The following AGAP1 variants were observed in gnomAD, a reference collection of about 807,000 sequenced individuals.
AGAP1 encodes the protein arf-GAP with GTPase, ANK repeat and PH domain-containing protein 1.
Under a neutral mutation model 105.3 loss-of-function variants are expected in AGAP1, and 29 were observed. The ratio of observed to expected loss-of-function variants is 0.28; its 90% CI spans 0.21 to 0.38. The LOEUF is 0.38. AGAP1 is among the 10% of genes least tolerant of loss of function. AGAP1 has a pLI of 1.00. For synonymous variants in AGAP1, 509 were observed against 485.9 expected (o/e 1.05, Z -0.63); for missense variants, 998 against 1,165.1 (o/e 0.86, Z 2.09).
At chr2:235,761,705 A>C (rs1239986211) in intron 6 of AGAP1, among the ~76,000 whole-genome samples, 1 of 152,236 alleles carries the variant, frequency 6.6e-6, no homozygotes, top group Non-Finnish European at 1.5e-5. Flanking sequence ...ATCGATGATC[A>C]AAAGAATAAG....
At position 235,642,144 on chromosome 2, in the gene AGAP1, C is replaced by T. The variant is rs545832498; in HGVS notation, c.164-67035C>T. On this transcript the variant is annotated intron_variant, in intron 1 of 17. Coordinates refer to ENST00000304032, the MANE Select transcript of AGAP1 (RefSeq NM_001037131.3). The surrounding 1 kb of genome is among the most constrained non-coding windows in gnomAD (Gnocchi z 4.1). ...GGGCCCTCCAGAGGGTGCCCATCCA[C>T]GGAGTGCGGCGCCTGCTCGACTTGG... Among the ~76,000 whole-genome samples, 4 of 152,296 alleles carry T rather than the reference C, an allele frequency of 2.6e-5. No individual in the cohort carries two copies. Among genetic ancestry groups the T allele is most frequent in the Admixed American group, 1.3e-4 (2 of 15,300 alleles).
chr2:235,871,478 A>C (rs1051693888), intron 9 of AGAP1, among the ~76,000 whole-genome samples: 2 of 152,032 alleles, frequency 1.3e-5, no homozygotes, highest in Middle Eastern at 3.2e-3. Context: ...TGCCGGCCCC[A>C]TTTCCATCCT....
intron 13 of AGAP1, among the ~76,000 whole-genome samples, chr2:235,968,964 C>T (rs553606248): frequency 4.2e-4 from 64 of 152,288 alleles, no homozygotes; most frequent in African/African-American, 1.0e-3. Flanking sequence ...CAAGGTGGGC[C>T]ATGCTGCGTG....
intron 9 of AGAP1, among the ~76,000 whole-genome samples, chr2:235,863,158 G>A (rs905523446): frequency 6.6e-6 from 1 of 152,248 alleles, no homozygotes; most frequent in Non-Finnish European, 1.5e-5. Flanking sequence ...CAAGACGGGA[G>A]TGGTCCCTAC....
At position 235,750,635 on chromosome 2, in the gene AGAP1, G is replaced by A. The variant is rs1263183257; in HGVS notation, c.673+147G>A. ...TTAGTATCGAGAGCAGTCCATTCCAGAGGCAATTCTCAGGTATGTTTCATA... is the reference window on the plus strand; with the variant it reads ...TTAGTATCGAGAGCAGTCCATTCCAAAGGCAATTCTCAGGTATGTTTCATA... On this transcript the variant is annotated intron_variant, in intron 6 of 17. Coordinates refer to ENST00000304032, the MANE Select transcript of AGAP1 (RefSeq NM_001037131.3). The surrounding 1 kb of genome is among the most constrained non-coding windows in gnomAD (Gnocchi z 5.3). The A allele has an allele frequency of 1.7e-6, 2 of 1,190,404 alleles. No homozygotes were observed. Among genetic ancestry groups the A allele is most frequent in the East Asian group, 2.4e-5 (1 of 41,610 alleles). The allele number at this position is 1,190,404 out of a possible 1,614,324, so 73.7% of individuals were successfully genotyped here. A position where few individuals can be genotyped will look rare whatever the true frequency, so the allele number is the denominator to read the frequency against.
At chr2:235,570,812 C>G (rs903944868) in intron 1 of AGAP1, among the ~76,000 whole-genome samples, 1 of 152,208 alleles carries the variant, frequency 6.6e-6, no homozygotes, top group African/African-American at 2.4e-5. Context: ...TGTGACACTA[C>G]GTGTAGGTGA....
Position 235,979,337 on chromosome 2 carries a change from CT to C in AGAP1, c.1645+10715del, listed in dbSNP as rs1158547647. 6.6e-6 allele frequency among the ~76,000 whole-genome samples: 1 copy of C among 152,062 alleles called. No homozygotes were observed. Among genetic ancestry groups the C allele is most frequent in the Non-Finnish European group, 1.5e-5 (1 of 68,004 alleles). ...GAGGGTGGTGATTGATTAAGCCCCCCTGTCGTTCATTTGAATCCTGCATCGC... is the reference window on the plus strand; with the variant it reads ...GAGGGTGGTGATTGATTAAGCCCCCCGTCGTTCATTTGAATCCTGCATCGC... On this transcript the variant is annotated intron_variant, in intron 13 of 17. Coordinates refer to ENST00000304032, the MANE Select transcript of AGAP1 (RefSeq NM_001037131.3). The surrounding 1 kb of genome is among the most constrained non-coding windows in gnomAD (Gnocchi z 4.5).
rs1423428017 is a variant in AGAP1 at position 236,083,670 on chromosome 2, G to A, written c.2114+34389G>A. ...AGTTTATTGTCTTATAATAATGTGGGCTTTTTTGTTTTACTTAATATATAG... is the reference window on the plus strand; with the variant it reads ...AGTTTATTGTCTTATAATAATGTGGACTTTTTTGTTTTACTTAATATATAG... On this transcript the variant is annotated intron_variant, in intron 16 of 17. Coordinates refer to ENST00000304032, the MANE Select transcript of AGAP1 (RefSeq NM_001037131.3). This position sits in a 1 kb window ranked among gnomAD's most constrained non-coding sequence, Gnocchi z 5.3. Among the ~76,000 whole-genome samples, 1 of 152,006 alleles carries A rather than the reference G, an allele frequency of 6.6e-6. No homozygotes were observed. Among genetic ancestry groups the A allele is most frequent in the Non-Finnish European group, 1.5e-5 (1 of 68,000 alleles).
rs142116089 is a variant in AGAP1 at position 235,896,753 on chromosome 2, C to T, written c.1156-11985C>T. 5.9e-3 allele frequency among the ~76,000 whole-genome samples: 893 copies of T among 152,264 alleles called. 4 individuals are homozygous for T. The highest frequency in any genetic ancestry group is 0.02 in the African/African-American group (848 of 41,546). ...TCCCATGTGTCAACAGTTCCAAAGC[C>T]AAGGAATTAGGCCGCCATAAAAGTA... is the stretch of plus-strand genomic sequence containing the variant. On this transcript the variant is annotated intron_variant, in intron 10 of 17. Coordinates refer to ENST00000304032, the MANE Select transcript of AGAP1 (RefSeq NM_001037131.3).
At chr2:236,034,423 A>T (rs932102876) in intron 13 of AGAP1, among the ~76,000 whole-genome samples, 1 of 151,886 alleles carries the variant, frequency 6.6e-6, no homozygotes, top group Admixed American at 6.6e-5. Flanking sequence ...CAGCAGGTGG[A>T]GTGTTTCATT....
At chr2:235,943,567 C>A (rs1003510861) in intron 12 of AGAP1, among the ~76,000 whole-genome samples, 1 of 152,048 alleles carries the variant, frequency 6.6e-6, no homozygotes, top group Non-Finnish European at 1.5e-5. Flanking sequence ...CCAGGCTGGT[C>A]CCGAACTCCT....
rs75169757 is a variant in AGAP1, at chr2:235,865,439, C to T, written c.1051-17906C>T. 2.6e-4 allele frequency among the ~76,000 whole-genome samples: 40 copies of T among 152,338 alleles called. 1 individual carries two copies. The highest frequency in any genetic ancestry group is 7.0e-4 in the African/African-American group (29 of 41,578). On this transcript the variant is annotated intron_variant, in intron 9 of 17. Coordinates refer to ENST00000304032, the MANE Select transcript of AGAP1 (RefSeq NM_001037131.3). The surrounding 1 kb of genome is among the most constrained non-coding windows in gnomAD (Gnocchi z 6.2). ...CGCCGTGCGCAATCGGGGCTTTATA[C>T]GATTGCTGGAGATGCTGACAGCTCA...
intron 9 of AGAP1, among the ~76,000 whole-genome samples, chr2:235,869,252 T>G (rs891819777): frequency 6.6e-6 from 1 of 151,894 alleles, no homozygotes; most frequent in African/African-American, 2.4e-5. Flanking sequence ...TTGGGTTATC[T>G]ATTGCTGGGT....
intron 10 of AGAP1, among the ~76,000 whole-genome samples, chr2:235,892,515 T>C (rs2050591715): frequency 1.3e-5 from 2 of 151,740 alleles, no homozygotes; most frequent in Admixed American, 1.3e-4. Context: ...TCTTTACTGA[T>C]GTAAAGACAA....
chr2:235,832,430 A>G (rs1959534096), intron 9 of AGAP1, among the ~76,000 whole-genome samples: 1 of 152,206 alleles, frequency 6.6e-6, no homozygotes, highest in Admixed American at 6.5e-5. Flanking sequence ...CAATTTCTAC[A>G]CTGTGAAACC....
chr2:236,010,545 C>T (rs182008923), intron 13 of AGAP1, among the ~76,000 whole-genome samples: 47 of 152,312 alleles, frequency 3.1e-4, no homozygotes, highest in African/African-American at 1.1e-3. Context: ...AGTGGAGTGA[C>T]ACCCATCCCA....
chr2:236,093,754 A>G (rs1332691599), intron 16 of AGAP1, among the ~76,000 whole-genome samples: 1 of 133,524 alleles, frequency 7.5e-6, no homozygotes, highest in African/African-American at 3.6e-5. Flanking sequence ...AATCCCAAAC[A>G]CCATAATCCC....
Position 236,101,835 on chromosome 2 carries a change from C to T in AGAP1, c.2115-18357C>T, listed in dbSNP as rs953561462. On this transcript the variant is annotated intron_variant, in intron 16 of 17. Coordinates refer to ENST00000304032, the MANE Select transcript of AGAP1 (RefSeq NM_001037131.3). This position sits in a 1 kb window ranked among gnomAD's most constrained non-coding sequence, Gnocchi z 4.9. ...TCCCTCTCACTGGGTACACATTTAT[C>T]GGGATTTATGCTTTAAAACAGTAGT... Among the ~76,000 whole-genome samples the T allele has an allele frequency of 1.4e-4, 22 of 152,298 alleles. No individual in the cohort carries two copies. The highest frequency in any genetic ancestry group is 2.8e-4 in the Non-Finnish European group (19 of 68,030).
At chr2:235,802,816 GATGTT>G (rs1559505612) in intron 8 of AGAP1, among the ~76,000 whole-genome samples, 74 of 2,958 alleles carry the variant, frequency 0.025, no homozygotes, top group East Asian at 0.1. Flanking sequence ...TGGTGGTGGT[GATGTT>G]GTGGTTGTGA....
Sources: gnomAD v4.1 joint callset for allele counts (sites outside exome capture counted in the v4.1 genomes callset) on GRCh38, gnomAD v4.1.1 for gene constraint, Gnocchi (gnomAD v3.1) non-coding constraint, MANE v1.5 for transcripts, NCBI Gene and HGNC (gene_info 2026-07-23, HGNC 2026-07-21) for gene names.